The following KALRN variants were observed in gnomAD, a reference collection of about 807,000 sequenced individuals.
KALRN encodes kalirin RhoGEF kinase.
KALRN carries 70 observed loss-of-function variants against 353.7 expected under a neutral mutation model. The ratio of observed to expected loss-of-function variants is 0.20; its 90% CI spans 0.16 to 0.24. The LOEUF is 0.24. Ranked by LOEUF, KALRN falls within the 10% of genes least tolerant of loss-of-function variation. The probability of loss-of-function intolerance (pLI) is 1.00; values close to 1 mark genes in which losing one functional copy is unlikely to be tolerated. For missense variants in KALRN, 2,791 were observed against 3,756.7 expected (o/e 0.74, Z 6.72); for synonymous variants, 1,391 against 1,434.8 (o/e 0.97, Z 0.69).
At position 124,510,319 on chromosome 3, in the gene KALRN, A is replaced by G. The variant is rs139852079; in HGVS notation, c.4935+13906A>G. ...ATCATTCCAAATGGATCAAACAGCA[A>G]GAGTGAGGGGTAAGGGAGAAAGGAG... On this transcript the variant is annotated intron_variant, in intron 33 of 59. Coordinates refer to ENST00000682506, the MANE Select transcript of KALRN (RefSeq NM_001388419.1). 4.7e-3 allele frequency among the ~76,000 whole-genome samples: 720 copies of G among 152,302 alleles called. 3 individuals are homozygous for G. The highest frequency in any genetic ancestry group is 0.017 in the Middle Eastern group (5 of 294).
intron 33 of KALRN, among the ~76,000 whole-genome samples, chr3:124,529,900 T>C (rs913576387): frequency 6.6e-6 from 1 of 152,072 alleles, no homozygotes; most frequent in African/African-American, 2.4e-5. Flanking sequence ...GAAGTCAGAT[T>C]TGAAAAATGT....
chr3:124,522,169 A>G (rs2067218032), intron 33 of KALRN, among the ~76,000 whole-genome samples: 1 of 151,978 alleles, frequency 6.6e-6, no homozygotes, highest in Admixed American at 6.6e-5. Context: ...AAATAAATGT[A>G]TGTATATACA....
At chr3:124,398,320 G>C (rs948770960) in intron 12 of KALRN, among the ~76,000 whole-genome samples, 1 of 152,186 alleles carries the variant, frequency 6.6e-6, no homozygotes, top group Non-Finnish European at 1.5e-5. Context: ...AGATTTATGT[G>C]TGTGTGTGTT....
At chr3:124,150,549 A>G (rs1043896143) in intron 1 of KALRN, among the ~76,000 whole-genome samples, 1 of 152,158 alleles carries the variant, frequency 6.6e-6, no homozygotes, top group Non-Finnish European at 1.5e-5. Flanking sequence ...CCCACAACAA[A>G]TTCTCATTTT....
At chr3:124,435,633 C>T (rs541469611) in intron 17 of KALRN, among the ~76,000 whole-genome samples, 2 of 152,240 alleles carry the variant, frequency 1.3e-5, no homozygotes, top group African/African-American at 2.4e-5. Flanking sequence ...ATATGACATG[C>T]GCATCAGAGG....
rs606552 is a variant in KALRN, at chr3:124,722,654, A to G, written c.*3184A>G. 39,278 of 152,048 alleles carry G rather than the reference A, an allele frequency of 0.26. 5,215 individuals are homozygous for G. The highest frequency in any genetic ancestry group is 0.39 in the Middle Eastern group (115 of 296). 9.4% of individuals were successfully genotyped at this position (152,048 alleles called of 1,614,324 possible). A position where few individuals can be genotyped will look rare whatever the true frequency, so the allele number is the denominator to read the frequency against. ...GGTTGCTCTGAGGGCAACCGTGCTT[A>G]GGGAAAAAGGATCAGGGGCCACTCT... On this transcript the variant is annotated 3_prime_UTR_variant, in exon 60 of 60. Coordinates refer to ENST00000682506, the MANE Select transcript of KALRN (RefSeq NM_001388419.1).
intron 6 of KALRN, among the ~76,000 whole-genome samples, chr3:124,304,471 A>G (rs1445342774): frequency 1.3e-5 from 2 of 152,234 alleles, no homozygotes; most frequent in African/African-American, 2.4e-5. Flanking sequence ...ATGAAGATCT[A>G]TATGTATTAA....
chr3:124,543,347 G>A (rs1455813703), intron 33 of KALRN, among the ~76,000 whole-genome samples: 1 of 151,386 alleles, frequency 6.6e-6, no homozygotes, highest in Non-Finnish European at 1.5e-5. Context: ...TGTCCCCCAG[G>A]CTGGAGTGCG....
rs184999164 is a variant in KALRN, at chr3:124,674,379, T to C, written c.6958T>C (p.Cys2320Arg). 5.4e-5 allele frequency: 87 copies of C among 1,613,368 alleles called. No individual in the cohort carries two copies. In the African/African-American group the frequency reaches 8.9e-4, roughly 17 times the overall value. Residue 2320 changes from cysteine to arginine, a missense_variant, in exon 49 of 60, where the codon TGC (cysteine) becomes CGC (arginine). Physicochemically the swap from Cys to Arg is radical, Grantham distance 180 (BLOSUM62 -3). This residue lies in a region of KALRN where 1,065 missense variants were observed against 1,156.4 expected (regional missense o/e 0.92). Coordinates refer to ENST00000682506, the MANE Select transcript of KALRN (RefSeq NM_001388419.1). ...CTCCCAGCAGAACGACCTGGGAGGC[T>C]GCAATGGGACCTCGTCCATGGCCGT... ...FEASKNDLGG[C>R]NGTSSMAVIK...
chr3:124,136,768 T>C (rs1183712411), intron 1 of KALRN, among the ~76,000 whole-genome samples: 1 of 152,204 alleles, frequency 6.6e-6, no homozygotes, highest in Admixed American at 6.5e-5. Flanking sequence ...GGACACAGAT[T>C]CCTAGTGCAG....
At chr3:124,433,923 A>G (rs2093376183) in intron 16 of KALRN, among the ~76,000 whole-genome samples, 1 of 152,156 alleles carries the variant, frequency 6.6e-6, no homozygotes, top group Admixed American at 6.5e-5. Flanking sequence ...TGCAGTAGTA[A>G]CCTCCTTCGA....
intron 34 of KALRN, among the ~76,000 whole-genome samples, chr3:124,566,219 G>A (rs1038903237): frequency 6.6e-6 from 1 of 152,060 alleles, no homozygotes; most frequent in Non-Finnish European, 1.5e-5. Context: ...GACCTAAGTC[G>A]GCCAGGCGCA....
chr3:124,604,839 A>G (rs2149487449), intron 34 of KALRN, among the ~76,000 whole-genome samples: 1 of 142,410 alleles, frequency 7.0e-6, no homozygotes, highest in Middle Eastern at 3.4e-3. Flanking sequence ...AGGATGTGCC[A>G]TCATGCCTGG....
At position 124,455,599 on chromosome 3, in the gene KALRN, TG is replaced by T. The variant is rs2059231570; in HGVS notation, c.3735+244del. The stretch of plus-strand genomic sequence containing the variant: ...CATTACAAAATCGACTGGCCAGTAG[TG>T]GGGCCTATGGCTACAGAACAGAGTT... On this transcript the variant is annotated intron_variant, in intron 22 of 59. Coordinates refer to ENST00000682506, the MANE Select transcript of KALRN (RefSeq NM_001388419.1). 2.0e-5 allele frequency among the ~76,000 whole-genome samples: 3 copies of T among 152,276 alleles called. No homozygotes were observed. The South Asian group carries it at 6.2e-4, about 32-fold the overall frequency.
chr3:124,057,395 A>T (rs2041645055), intron 1 of KALRN, among the ~76,000 whole-genome samples: 1 of 152,168 alleles, frequency 6.6e-6, no homozygotes, highest in Non-Finnish European at 1.5e-5. Flanking sequence ...AAGCCTGGCC[A>T]GAGTCAGCAA....
intron 6 of KALRN, among the ~76,000 whole-genome samples, chr3:124,305,231 T>C (rs2077589978): frequency 6.6e-6 from 1 of 152,196 alleles, no homozygotes; most frequent in South Asian, 2.1e-4. Context: ...TGGAAAAGTT[T>C]AAGCCACTTA....
At chr3:124,045,563 G>A (rs1183979004) in intron 1 of KALRN, among the ~76,000 whole-genome samples, 1 of 152,174 alleles carries the variant, frequency 6.6e-6, no homozygotes, top group East Asian at 1.9e-4. Flanking sequence ...TCCTTTTGAT[G>A]GGAATTGGAG....
chr3:124,640,018 T>G (rs904374291), intron 37 of KALRN, among the ~76,000 whole-genome samples: 2 of 152,226 alleles, frequency 1.3e-5, no homozygotes, highest in African/African-American at 2.4e-5. Context: ...TTGGGAGCAC[T>G]AAGTTGCATT....
At chr3:124,276,590 G>T (rs140507330) in intron 5 of KALRN, among the ~76,000 whole-genome samples, 62 of 152,276 alleles carry the variant, frequency 4.1e-4, no homozygotes, top group African/African-American at 1.5e-3. Context: ...GCAGTAACAT[G>T]ATTCCACTGT....
Sources: allele counts gnomAD v4.1 joint callset (sites outside exome capture counted in the v4.1 genomes callset), GRCh38; gene constraint gnomAD v4.1.1; regional missense constraint gnomAD v4.1.1; transcripts MANE v1.5; gene names NCBI Gene and HGNC (gene_info 2026-07-23, HGNC 2026-07-21).